The following BAZ2B variants were observed in gnomAD, a reference collection of about 807,000 sequenced individuals.
The protein encoded by BAZ2B is bromodomain adjacent to zinc finger domain 2B.
In BAZ2B, 91 loss-of-function variants were observed where a neutral mutation model predicts 246.0. That is an observed-to-expected ratio of 0.37 (90% CI 0.31 to 0.44). BAZ2B has a LOEUF of 0.44. Ranked by LOEUF, BAZ2B falls within the 20% of genes least tolerant of loss-of-function variation. The pLI is 1.00. For synonymous variants in BAZ2B, 855 were observed against 860.0 expected, an observed-to-expected ratio of 0.99 and a Z score of 0.10; for missense variants, 2,332 against 2,533.7, an observed-to-expected ratio of 0.92 and a Z score of 1.71.
At chr2:159,518,145 T>C (rs2083629386) in intron 2 of BAZ2B, among the ~76,000 whole-genome samples, 1 of 152,210 alleles carries the variant, frequency 6.6e-6, no homozygotes, top group Non-Finnish European at 1.5e-5. Flanking sequence ...ACCATCTTAG[T>C]TTCCTATAAT....
At chr2:159,444,143 A>G (rs562286239) in intron 6 of BAZ2B, 2 of 152,200 alleles carry the variant, frequency 1.3e-5, no homozygotes, top group East Asian at 1.9e-4. Flanking sequence ...TAGCTCAGAG[A>G]TAGGACCTTA....
chr2:159,438,847 C>T (rs1278975138), intron 7 of BAZ2B, 152 bp from the exon 8 acceptor site: 8 of 1,213,842 alleles, frequency 6.6e-6, no homozygotes, highest in Non-Finnish European at 6.8e-6. Flanking sequence ...AAAGAAATAC[C>T]GTATGTCCCT....
intron 3 of BAZ2B, among the ~76,000 whole-genome samples, chr2:159,454,305 C>T (rs919276445): frequency 6.6e-6 from 1 of 152,136 alleles, no homozygotes; most frequent in African/African-American, 2.4e-5. Flanking sequence ...TGTTCTCTAA[C>T]ACAGTCATGA....
In BAZ2B at chr2:159,332,616, C is replaced by T. The variant is rs1242302819; in HGVS notation, c.5867G>A (p.Cys1956Tyr). Residue 1956 changes from cysteine to tyrosine, a missense_variant, in exon 34 of 37, where the codon TGT becomes TAT. By Grantham distance (194) the Cys-to-Tyr change is radical. This residue lies in a region of BAZ2B where 3 missense variants were observed against 19.4 expected (regional missense o/e 0.15). Coordinates refer to ENST00000392783, the MANE Select transcript of BAZ2B (RefSeq NM_013450.4). ...LLLCDGCDKG[C>Y]HTYCHRPKIT... The stretch of plus-strand genomic sequence containing the variant: ...CTTGGGTCTATGGCAGTAGGTATGA[C>T]AGCCTTTGTCACAGCCATCACAAAG... 6 of 1,613,958 alleles carry T rather than the reference C, an allele frequency of 3.7e-6. No homozygotes were observed. The East Asian group carries it at 1.1e-4, about 30-fold the overall frequency.
chr2:159,476,349 A>G (rs568795099), intron 3 of BAZ2B, among the ~76,000 whole-genome samples: 1 of 152,332 alleles, frequency 6.6e-6, no homozygotes, highest in East Asian at 1.9e-4. Flanking sequence ...TTCTGGATAA[A>G]TGGAATTATA....
rs986461109 is a variant in BAZ2B, at chr2:159,604,956, G to A, written c.-46+11286C>T. On this transcript the variant is annotated intron_variant, in intron 1 of 36. Transcript: ENST00000392783. ...TTTGTGTGTGTGTGTGTGTGTGCGCGTGTGTGCGCGCGCTAGGAGAGAGAG... is the reference window on the plus strand; with the variant it reads ...TTTGTGTGTGTGTGTGTGTGTGCGCATGTGTGCGCGCGCTAGGAGAGAGAG... Among the ~76,000 whole-genome samples the A allele has an allele frequency of 4.8e-5, 7 of 147,298 alleles. No homozygotes were observed. In the South Asian group the frequency reaches 6.5e-4, roughly 14 times the overall value.
intron 1 of BAZ2B, among the ~76,000 whole-genome samples, chr2:159,603,261 AAAC>A (rs1407371148): frequency 6.6e-6 from 1 of 152,268 alleles, no homozygotes; most frequent in Middle Eastern, 3.2e-3. Context: ...AAGAGCTAAT[AAAC>A]AACGGAGAAT....
At chr2:159,398,807 T>C (rs747110521) in intron 18 of BAZ2B, 22 bp downstream of exon 18, 1 of 1,599,986 alleles carries the variant, frequency 6.3e-7, no homozygotes, top group Non-Finnish European at 8.5e-7. Flanking sequence ...AAATAAAAAC[T>C]CTGATTCTCA....
intron 20 of BAZ2B, among the ~76,000 whole-genome samples, chr2:159,392,656 C>T (rs1471254232): frequency 6.6e-6 from 1 of 152,150 alleles, no homozygotes. Flanking sequence ...TCTCCATAGT[C>T]TAAGTATTGT....
At chr2:159,384,050 A>G (rs2062326119) in intron 23 of BAZ2B, among the ~76,000 whole-genome samples, 1 of 152,076 alleles carries the variant, frequency 6.6e-6, no homozygotes. Flanking sequence ...ACACATGGAT[A>G]TTTACATAAG....
chr2:159,420,453 G>GCTT (rs2068545576), intron 13 of BAZ2B, among the ~76,000 whole-genome samples: 1 of 152,052 alleles, frequency 6.6e-6, no homozygotes, highest in Non-Finnish European at 1.5e-5. Flanking sequence ...TTTTAAACTT[G>GCTT]CTTCTTCTTT....
intron 4 of BAZ2B, 100 bp downstream of exon 4, chr2:159,453,513 C>T: frequency 3.9e-6 from 5 of 1,286,568 alleles, no homozygotes; most frequent in Non-Finnish European, 4.1e-6. Context: ...TTAAATATAC[C>T]AGGCATTAGA....
chr2:159,653,362 C>A, the BAZ2B span, among the ~76,000 whole-genome samples: 3 of 152,170 alleles, frequency 2.0e-5, no homozygotes, highest in Non-Finnish European at 4.4e-5. Flanking sequence ...ATCATTTCTA[C>A]AACATTTATT....
chr2:159,502,128 G>T (rs2081909199), intron 2 of BAZ2B, among the ~76,000 whole-genome samples: 2 of 152,162 alleles, frequency 1.3e-5, no homozygotes, highest in South Asian at 4.1e-4. Context: ...ATACTCTGTA[G>T]AGACAGAAAA....
intron 2 of BAZ2B, among the ~76,000 whole-genome samples, chr2:159,513,659 T>C (rs1016620547): frequency 6.6e-6 from 1 of 152,210 alleles, no homozygotes; most frequent in African/African-American, 2.4e-5. Context: ...GAAATCTTTT[T>C]GGTTGTACCT....
chr2:159,377,452 C>T (rs1195033630), intron 25 of BAZ2B, among the ~76,000 whole-genome samples: 1 of 152,126 alleles, frequency 6.6e-6, no homozygotes, highest in East Asian at 1.9e-4. Context: ...TCTCACATTA[C>T]TAACAAGGAT....
intron 2 of BAZ2B, chr2:159,555,466 C>T (rs1484137354): frequency 6.6e-6 from 1 of 151,978 alleles, no homozygotes; most frequent in African/African-American, 2.4e-5. Context: ...ATATATATTT[C>T]CTAATGTGGA....
Position 159,446,886 on chromosome 2 carries a change from C to T in BAZ2B, c.592G>A (p.Gly198Arg), listed in dbSNP as rs370247534. The T allele has an allele frequency of 6.2e-7, 1 of 1,613,436 alleles. No individual in the cohort carries two copies. Among genetic ancestry groups the T allele is most frequent in the East Asian group, 2.2e-5 (1 of 44,804 alleles). The change falls in exon 6 of 37, where the codon GGA becomes AGA. Residue 198 changes from glycine to arginine, a missense_variant. This residue lies in a region of BAZ2B where 242 missense variants were observed against 237.4 expected (regional missense o/e 1.02). Transcript: ENST00000392783. Reference sequence around the variant, plus strand: ...CCTGAGCTTGTACTTTTAGTTTGTCCCATGGAACTTGAAGCAGTAGTGGAT... The same window carrying T: ...CCTGAGCTTGTACTTTTAGTTTGTCTCATGGAACTTGAAGCAGTAGTGGAT... ...VLSTTASSSM[G>R]QTKSTSSGGG... is the part of the protein sequence containing the mutation.
chr2:159,627,620 C>A, the BAZ2B span, among the ~76,000 whole-genome samples: 1 of 152,032 alleles, frequency 6.6e-6, no homozygotes, highest in Non-Finnish European at 1.5e-5. Flanking sequence ...ATTCAAAACC[C>A]CTTCATGCTA....
Sources: gnomAD v4.1 joint callset for allele counts (sites outside exome capture counted in the v4.1 genomes callset) on GRCh38, gnomAD v4.1.1 for gene constraint, gnomAD v4.1.1 regional missense constraint, MANE v1.5 for transcripts, NCBI Gene and HGNC (gene_info 2026-07-23, HGNC 2026-07-21) for gene names.